Variants in CDAN1 observed in about 807,000 individuals in gnomAD.
CDAN1 encodes codanin-1.
A neutral mutation model predicts 139.8 loss-of-function variants in CDAN1; 107 were observed. That is an observed-to-expected ratio of 0.77 (90% CI 0.65 to 0.90). CDAN1 has a LOEUF of 0.90. Ranked by LOEUF, CDAN1 falls within the 40% of genes least tolerant of loss-of-function variation. CDAN1 has a pLI of 0.00. For missense variants in CDAN1, 1,667 were observed against 1,575.7 expected (o/e 1.06, Z -0.98); for synonymous variants, 776 against 660.6 (o/e 1.17, Z -2.68).
rs1295336109 is a variant in CDAN1, at chr15:42,731,490, G to A, written c.1739+130C>T. ...TGGGTGACAGAATGAGAAGTGCAAT[G>A]AAGCCAGCAAGTTGGAGCTGGAAGG... On this transcript the variant is annotated intron_variant, in intron 11 of 27. Transcript: ENST00000356231. The A allele has an allele frequency of 3.6e-6, 5 of 1,407,078 alleles. No homozygotes were observed. The East Asian group carries it at 1.1e-4, about 32-fold the overall frequency. The allele number at this position is 1,407,078 out of a possible 1,614,324, so 87.2% of individuals were successfully genotyped here.
chr15:42,725,059 T>A lies in CDAN1; in HGVS notation c.3558+85A>T. ...ACTCTTGACAAAAATCCACTTAGTT[T>A]GGCCCCATCACTTGCTTCCTTTCAG... is the stretch of plus-strand genomic sequence containing the variant. On this transcript the variant is annotated intron_variant, in intron 27 of 27. Transcript: ENST00000356231. 3.6e-6 allele frequency: 4 copies of A among 1,109,396 alleles called. No homozygotes were observed. The South Asian group carries it at 5.2e-5, about 14-fold the overall frequency. The allele number at this position is 1,109,396 out of a possible 1,614,324, so 68.7% of individuals were successfully genotyped here.
intron 26 of CDAN1, 61 bp downstream of exon 26, chr15:42,725,428 G>A (rs975786807): frequency 1.3e-6 from 2 of 1,599,278 alleles, no homozygotes; most frequent in South Asian, 1.1e-5. Flanking sequence ...CATAGTTTGG[G>A]GCAAGGGTGG....
intron 14 of CDAN1, 79 bp downstream of exon 14, chr15:42,730,519 C>T (rs2061595567): frequency 2.0e-6 from 3 of 1,532,884 alleles, no homozygotes; most frequent in East Asian, 2.3e-5. Flanking sequence ...GACTGCTCGA[C>T]CCTCTTTATT....
Position 42,735,507 on chromosome 15 carries a change from C to A in CDAN1, c.943+3G>T. 1 of 1,614,240 alleles carries A rather than the reference C, an allele frequency of 6.2e-7. No homozygotes were observed. Among genetic ancestry groups the A allele is most frequent in the Non-Finnish European group, 8.5e-7 (1 of 1,180,046 alleles). On this transcript the variant is annotated splice_donor_region_variant and intron_variant, in intron 4 of 27. Coordinates refer to ENST00000356231, the MANE Select transcript of CDAN1 (RefSeq NM_138477.4). ...CACTCCCGCTCCCTCCGCTCTCACT[C>A]ACCAGCAATGCACGAGGAGTAAACA...
chr15:42,726,164 C>T lies in CDAN1; in HGVS notation c.3205-4G>A, dbSNP rs769605831. The T allele has an allele frequency of 2.5e-6, 4 of 1,613,786 alleles. No homozygotes were observed. The highest frequency in any genetic ancestry group is 2.2e-5 in the South Asian group (2 of 91,070). ...GCTCAGCAGGTGGGCACAGGAACTG[C>T]GGTTGGGGTGGGGGGGAAAGAGAGA... On this transcript the variant is annotated splice_polypyrimidine_tract_variant and splice_region_variant and intron_variant, in intron 24 of 27. Transcript: ENST00000356231.
chr15:42,724,479 C>T lies in CDAN1; in HGVS notation c.*12G>A, dbSNP rs760632372. ...TCTGGTGCAATGCCCAAGGCAGGGC[C>T]ACTTCTCAGCCCTAGCTCTGGGCCA... is the stretch of plus-strand genomic sequence containing the variant. On this transcript the variant is annotated 3_prime_UTR_variant, in exon 28 of 28. Transcript: ENST00000356231. The T allele has an allele frequency of 6.3e-7, 1 of 1,576,180 alleles. No individual in the cohort carries two copies. Among genetic ancestry groups the T allele is most frequent in the South Asian group, 1.2e-5 (1 of 85,978 alleles).
At chr15:42,729,178 G>A (rs371937160) in intron 18 of CDAN1, 51 bp downstream of exon 18, 25 of 1,028,250 alleles carry the variant, frequency 2.4e-5, no homozygotes, top group African/African-American at 9.8e-5. Flanking sequence ...CCCTGTCCCC[G>A]CCCCCAACCC....
At position 42,735,393 on chromosome 15, in the gene CDAN1, A is replaced by G. The variant is rs779970677; in HGVS notation, c.944-19T>C. 9 of 1,595,056 alleles carry G rather than the reference A, an allele frequency of 5.6e-6. No homozygotes were observed. The highest frequency in any genetic ancestry group is 7.7e-6 in the Non-Finnish European group (9 of 1,169,114). On this transcript the variant is annotated intron_variant, in intron 4 of 27. Coordinates refer to ENST00000356231, the MANE Select transcript of CDAN1 (RefSeq NM_138477.4). ...AGGTTCTCTAGATAGATACAAAAAG[A>G]AAGCCCATGGTATGGGCACCATTTG... is the stretch of plus-strand genomic sequence containing the variant.
Position 42,736,737 on chromosome 15 carries a change from A to G in CDAN1, c.134T>C (p.Leu45Pro), listed in dbSNP as rs755795979. 1.3e-5 allele frequency: 21 copies of G among 1,557,188 alleles called. No individual in the cohort carries two copies. The South Asian group carries it at 2.0e-4, about 15-fold the overall frequency. ...EAAALSSLRALRKEFVPFLLN... is the reference protein window; with the variant it reads ...EAAALSSLRAPRKEFVPFLLN... ...CAGGAACGGTACGAATTCTTTCCGC[A>G]GGGCCCGGAGTGAGCTCAGCGCGGC... Residue 45 changes from leucine to proline, a missense_variant, in exon 2 of 28, where the codon CTG becomes CCG. Around this residue, in one of 3 missense-constraint regions of CDAN1, gnomAD observed 487 missense variants for 422.2 expected, o/e 1.15. Coordinates refer to ENST00000356231, the MANE Select transcript of CDAN1 (RefSeq NM_138477.4).
At position 42,728,632 on chromosome 15, in the gene CDAN1, A is replaced by G; in HGVS notation, c.2804+20T>C. On this transcript the variant is annotated intron_variant, in intron 20 of 27. Transcript: ENST00000356231. ...AGAAAGCCAAGAGGAGAGTGGATCAAATGGACCAGCGCTGCTTACTCCCGC... is the reference window on the plus strand; with the variant it reads ...AGAAAGCCAAGAGGAGAGTGGATCAGATGGACCAGCGCTGCTTACTCCCGC... 6.2e-7 allele frequency: 1 copy of G among 1,613,358 alleles called. No homozygotes were observed. The highest frequency in any genetic ancestry group is 8.5e-7 in the Non-Finnish European group (1 of 1,179,960).
intron 1 of CDAN1, 30 bp downstream of exon 1, chr15:42,736,983 T>A (rs967242041): frequency 9.1e-6 from 14 of 1,534,398 alleles, no homozygotes; most frequent in Non-Finnish European, 1.1e-5. Context: ...CGGCTTCGAG[T>A]CAGACCTGGG....
chr15:42,730,076 C>G lies in CDAN1; in HGVS notation c.2262+52G>C. 5.2e-6 allele frequency: 8 copies of G among 1,530,836 alleles called. 1 individual carries two copies. The Middle Eastern group carries it at 1.2e-3, about 227-fold the overall frequency. The allele number at this position is 1,530,836 out of a possible 1,614,324, so 94.8% of individuals were successfully genotyped here. A position where few individuals can be genotyped will look rare whatever the true frequency, so the allele number is the denominator to read the frequency against. On this transcript the variant is annotated intron_variant, in intron 15 of 27. Transcript: ENST00000356231. ...TTCGCACTCAGACATTTGCCCACTC[C>G]CCATCTTCAGCTGTAGAACCTCTCT...
intron 23 of CDAN1, chr15:42,727,274 T>TTGTC (rs1429739952): frequency 4.3e-6 from 1 of 230,378 alleles, no homozygotes; most frequent in Non-Finnish European, 8.4e-6. Context: ...ATTTCTGAAA[T>TTGTC]TGTCTCCAAA....
intron 23 of CDAN1, 67 bp downstream of exon 23, chr15:42,727,553 AG>A (rs2061545511): frequency 3.6e-6 from 5 of 1,397,140 alleles, no homozygotes; most frequent in Non-Finnish European, 4.8e-6. Context: ...GATGTGAGAA[AG>A]GAAAAACCAG....
Position 42,731,839 on chromosome 15 carries a change from G to C in CDAN1, c.1534-14C>G. ...GCTCTGACACATCTAGGGTGGAAGAGGAAGGAGAGAAATTAAAAAAATCAG... is the reference window on the plus strand; with the variant it reads ...GCTCTGACACATCTAGGGTGGAAGACGAAGGAGAGAAATTAAAAAAATCAG... On this transcript the variant is annotated splice_polypyrimidine_tract_variant and intron_variant, in intron 10 of 27. Coordinates refer to ENST00000356231, the MANE Select transcript of CDAN1 (RefSeq NM_138477.4). 1.2e-6 allele frequency: 2 copies of C among 1,613,242 alleles called. No individual in the cohort carries two copies. The highest frequency in any genetic ancestry group is 1.7e-6 in the Non-Finnish European group (2 of 1,179,352).
At chr15:42,732,999 G>A in intron 9 of CDAN1, 98 bp downstream of exon 9, 1 of 920,226 alleles carries the variant, frequency 1.1e-6, no homozygotes, top group Non-Finnish European at 1.7e-6. Context: ...ATGGCTGGTA[G>A]GAGCGGGGAA....
rs370906448 is a variant in CDAN1 at position 42,724,578 on chromosome 15, A to C, written c.3597T>G (p.Phe1199Leu). Residue 1199 changes from phenylalanine (F) to leucine (L), a missense_variant, in exon 28 of 28, where the codon TTT becomes TTG. By Grantham distance (22) the Phe-to-Leu change is conservative. Around this residue, in one of 3 missense-constraint regions of CDAN1, gnomAD observed 936 missense variants for 844.1 expected, o/e 1.11. Coordinates refer to ENST00000356231, the MANE Select transcript of CDAN1 (RefSeq NM_138477.4). ...GTTCTGGCAGGTGGGGCTCGGCTAG[A>C]AACAGATTAGACAGTGTTGCTAATT... ...AEELATLSNL[F>L]LAEPHLPEPQ... 3.5e-5 allele frequency: 55 copies of C among 1,552,688 alleles called. No homozygotes were observed. The African/African-American group carries it at 6.8e-4, about 19-fold the overall frequency.
chr15:42,729,440 C>A, intron 17 of CDAN1, 78 bp from the exon 18 acceptor site: 1 of 1,603,376 alleles, frequency 6.2e-7, no homozygotes, highest in South Asian at 1.1e-5. Context: ...CTTGTGGAGT[C>A]AAGAGGCTCA....
intron 10 of CDAN1, 75 bp from the exon 11 acceptor site, chr15:42,731,900 G>A: frequency 1.5e-6 from 2 of 1,319,976 alleles, no homozygotes; most frequent in Non-Finnish European, 2.2e-6. Context: ...AAAATAAGGA[G>A]AAAGTAATGA....
Sources: allele counts gnomAD v4.1 joint callset, GRCh38; gene constraint gnomAD v4.1.1; regional missense constraint gnomAD v4.1.1; transcripts MANE v1.5; gene names NCBI Gene and HGNC (gene_info 2026-07-23, HGNC 2026-07-21).